The following NPAS3 variants were observed in gnomAD, a reference collection of about 807,000 sequenced individuals.
The protein encoded by NPAS3 is neuronal PAS domain-containing protein 3.
A neutral mutation model predicts 73.1 loss-of-function variants in NPAS3; 14 were observed. The observed-to-expected ratio is 0.19, with a 90% confidence interval of 0.13 to 0.30. The LOEUF is 0.30. Among genes scored for constraint, NPAS3 ranks in the 10% least tolerant of loss-of-function variants. The pLI is 1.00. For missense variants in NPAS3, 1,096 were observed against 1,250.0 expected, an observed-to-expected ratio of 0.88 and a Z score of 1.86; for synonymous variants, 620 against 541.5, an observed-to-expected ratio of 1.14 and a Z score of -2.01.
chr14:33,383,655 C>G (rs2046652257), intron 4 of NPAS3, among the ~76,000 whole-genome samples: 1 of 152,102 alleles, frequency 6.6e-6, no homozygotes, highest in African/African-American at 2.4e-5. Flanking sequence ...TAACTGTGCC[C>G]AAGTCAAACC....
intron 4 of NPAS3, among the ~76,000 whole-genome samples, chr14:33,514,969 C>T (rs1467580189): frequency 6.6e-6 from 1 of 152,032 alleles, no homozygotes; most frequent in Non-Finnish European, 1.5e-5. Flanking sequence ...AAAGGGACTT[C>T]GTATTTAGTC....
At chr14:33,685,222 C>T (rs940808429) in intron 6 of NPAS3, among the ~76,000 whole-genome samples, 2 of 152,100 alleles carry the variant, frequency 1.3e-5, no homozygotes, top group Admixed American at 6.5e-5. Flanking sequence ...TAACACAATG[C>T]GGAAGCGTGG....
intron 5 of NPAS3, among the ~76,000 whole-genome samples, chr14:33,572,591 G>C (rs1241491798): frequency 1.3e-5 from 2 of 152,266 alleles, no homozygotes; most frequent in Non-Finnish European, 2.9e-5. Context: ...CAGCCCACTT[G>C]ACTCCAAAGC....
At chr14:32,982,279 G>T (rs1177573278) in intron 1 of NPAS3, among the ~76,000 whole-genome samples, 1 of 152,176 alleles carries the variant, frequency 6.6e-6, no homozygotes, top group African/African-American at 2.4e-5. Context: ...TGAAGATGGA[G>T]CCCTGATGGC....
chr14:33,271,445 C>CCA (rs1297494952), intron 3 of NPAS3, among the ~76,000 whole-genome samples: 7 of 148,144 alleles, frequency 4.7e-5, no homozygotes, highest in Admixed American at 2.0e-4. Context: ...CTGTGGCTAG[C>CCA]TGTTGGGGAG....
At chr14:33,786,035 C>G (rs997692325) in intron 9 of NPAS3, among the ~76,000 whole-genome samples, 1 of 152,152 alleles carries the variant, frequency 6.6e-6, no homozygotes, top group Admixed American at 6.5e-5. Flanking sequence ...GTCTCATAGT[C>G]CCGTGTGTCG....
At chr14:33,624,883 G>A (rs1038762177) in intron 5 of NPAS3, among the ~76,000 whole-genome samples, 1 of 152,074 alleles carries the variant, frequency 6.6e-6, no homozygotes, top group African/African-American at 2.4e-5. Context: ...CTCCTTACAT[G>A]TGTGTGTGCA....
At chr14:33,715,569 TA>T (rs2140515086) in intron 6 of NPAS3, among the ~76,000 whole-genome samples, 1 of 152,302 alleles carries the variant, frequency 6.6e-6, no homozygotes, top group African/African-American at 2.4e-5. Flanking sequence ...CTAGATCAGC[TA>T]GCTCTATACG....
chr14:33,163,080 T>C (rs1165696779), intron 2 of NPAS3, among the ~76,000 whole-genome samples: 1 of 152,228 alleles, frequency 6.6e-6, no homozygotes, highest in East Asian at 1.9e-4. Context: ...AACCGTGCAG[T>C]GTTAGTTTGG....
intron 10 of NPAS3, among the ~76,000 whole-genome samples, chr14:33,795,801 A>G (rs1441331539): frequency 6.6e-6 from 1 of 152,214 alleles, no homozygotes; most frequent in East Asian, 1.9e-4. Context: ...CTAGGATCCG[A>G]TGGTACAAAC....
chr14:33,585,396 G>C (rs975912601), intron 5 of NPAS3, among the ~76,000 whole-genome samples: 3 of 152,142 alleles, frequency 2.0e-5, no homozygotes, highest in Admixed American at 2.0e-4. Context: ...CGAGAATCTG[G>C]GTCCCATATC....
intron 2 of NPAS3, among the ~76,000 whole-genome samples, chr14:33,147,754 T>TATATATATATATATATATATAC (rs368950295): frequency 1.4e-4 from 20 of 142,416 alleles, no homozygotes; most frequent in African/African-American, 5.1e-4. Flanking sequence ...TATATATATA[T>TATATATATATATATATATATAC]ACACACAAAA....
intron 5 of NPAS3, among the ~76,000 whole-genome samples, chr14:33,570,423 GAA>G (rs1245500723): frequency 6.6e-6 from 1 of 152,084 alleles, no homozygotes; most frequent in Non-Finnish European, 1.5e-5. Flanking sequence ...GTGTGAATTA[GAA>G]AAGTCTACAC....
In NPAS3 at chr14:33,165,793, A is replaced by G. The variant is rs1390970425; in HGVS notation, c.141-49389A>G. Among the ~76,000 whole-genome samples, 5 of 152,060 alleles carry G rather than the reference A, an allele frequency of 3.3e-5. No individual in the cohort carries two copies. The East Asian group carries it at 9.7e-4, about 29-fold the overall frequency. On this transcript the variant is annotated intron_variant, in intron 2 of 11. Transcript: ENST00000356141. ...CCTCCTTCCCCCAAACAAAACTGTC[A>G]AGCACAGTGACACTTTCTGTAGCAA... is the stretch of plus-strand genomic sequence containing the variant.
chr14:33,580,801 C>G (rs976324619), intron 5 of NPAS3, among the ~76,000 whole-genome samples: 1 of 143,548 alleles, frequency 7.0e-6, no homozygotes, highest in Non-Finnish European at 1.6e-5. Flanking sequence ...CTCCACCGCA[C>G]CCCCCTACCC....
At chr14:33,136,426 A>G (rs1418183650) in intron 2 of NPAS3, among the ~76,000 whole-genome samples, 1 of 152,220 alleles carries the variant, frequency 6.6e-6, no homozygotes, top group Non-Finnish European at 1.5e-5. Context: ...AACCATGTCC[A>G]TGATAACCTT....
exon 6 of NPAS3, chr14:33,676,336 C>T (rs141006794): frequency 7.8e-5 from 126 of 1,605,746 alleles, no homozygotes; most frequent in Middle Eastern, 1.7e-4. Context: ...CTGCTGAGGA[C>T]GGAGCCAGCT....
intron 3 of NPAS3, among the ~76,000 whole-genome samples, chr14:33,254,053 A>G (rs2048686678): frequency 6.6e-6 from 1 of 151,932 alleles, no homozygotes; most frequent in Non-Finnish European, 1.5e-5. Context: ...GCTCTTCTCC[A>G]TCCTCATCCT....
intron 3 of NPAS3, among the ~76,000 whole-genome samples, chr14:33,299,698 C>T (rs1055106965): frequency 6.6e-6 from 1 of 151,608 alleles, no homozygotes; most frequent in Non-Finnish European, 1.5e-5. Context: ...GAGTTTGATG[C>T]TACAAAGGAA....
Sources: gnomAD v4.1 joint callset for allele counts (sites outside exome capture counted in the v4.1 genomes callset) on GRCh38, gnomAD v4.1.1 for gene constraint, MANE v1.5 for transcripts, NCBI Gene and HGNC (gene_info 2026-07-23, HGNC 2026-07-21) for gene names.